Variants in KRT33B observed in about 807,000 individuals in gnomAD.
The protein encoded by KRT33B is keratin 33B, also known as keratin, type I cuticular Ha3-II.
Under a neutral mutation model 42.7 loss-of-function variants are expected in KRT33B, and 37 were observed. The ratio of observed to expected loss-of-function variants is 0.87; its 90% CI spans 0.67 to 1.14. KRT33B has a LOEUF of 1.14. Ranked by LOEUF, KRT33B falls within the 50% of genes most tolerant of loss-of-function variation. The pLI is 0.00. For synonymous variants in KRT33B, 237 were observed against 221.2 expected, an observed-to-expected ratio of 1.07 and a Z score of -0.63; for missense variants, 523 against 515.1, an observed-to-expected ratio of 1.02 and a Z score of -0.15.
chr17:41,368,078 C>G, intron 1 of KRT33B, 88 bp from the exon 2 acceptor site: 1 of 1,259,240 alleles, frequency 7.9e-7, no homozygotes, highest in Non-Finnish European at 1.2e-6. Flanking sequence ...AGCCACATTC[C>G]TCCCAAATAG....
intron 3 of KRT33B, 116 bp downstream of exon 3, chr17:41,366,354 G>T: frequency 8.1e-7 from 1 of 1,228,928 alleles, no homozygotes; most frequent in Non-Finnish European, 1.1e-6. Flanking sequence ...TATGTTTTGA[G>T]CAACCAGCAA....
rs2017704724 is a variant in KRT33B, at chr17:41,366,599, C to G, written c.459G>C (p.Gln153His). The G allele has an allele frequency of 2.5e-6, 4 of 1,611,904 alleles. No homozygotes were observed. Among genetic ancestry groups the G allele is most frequent in the Non-Finnish European group, 3.4e-6 (4 of 1,179,876 alleles). Residue 153 changes from glutamine to histidine, a missense_variant, in exon 3 of 7, where the codon CAG becomes CAC. Gln to His is a conservative substitution (Grantham distance 24, BLOSUM62 0). Coordinates refer to ENST00000251646, the MANE Select transcript of KRT33B (RefSeq NM_002279.5). ...GGCTGTTGATGTCGGACTCCACCAG[C>G]TGCCGCAGGGACTGCTCCGTCTGGT... ...TKYQTEQSLR[Q>H]LVESDINSLR...
In KRT33B at chr17:41,365,463, C is replaced by G. The variant is rs1597690218; in HGVS notation, c.679G>C (p.Glu227Gln). The G allele has an allele frequency of 1.2e-6, 2 of 1,613,044 alleles. No individual in the cohort carries two copies. Among genetic ancestry groups the G allele is most frequent in the Non-Finnish European group, 1.7e-6 (2 of 1,180,022 alleles). ...AGGGCCTCATACTGATTCCTGGTCT[C>G]GTTCAGGACCTGGTTCAGGTCCACA... ...PAVDLNQVLN[E>Q]TRNQYEALVE... Residue 227 changes from glutamate to glutamine, a missense_variant, in exon 4 of 7, where the codon GAG becomes CAG. Transcript: ENST00000251646.
chr17:41,368,822 A>G (rs1311928898), intron 1 of KRT33B, among the ~76,000 whole-genome samples: 1 of 151,146 alleles, frequency 6.6e-6, no homozygotes, highest in Non-Finnish European at 1.5e-5. Flanking sequence ...AACCTACACC[A>G]GGTATTCAGT....
Position 41,367,896 on chromosome 17 carries a change from G to C in KRT33B, c.431+12C>G. 6.2e-7 allele frequency: 1 copy of C among 1,611,740 alleles called. No individual in the cohort carries two copies. Among genetic ancestry groups the C allele is most frequent in the Non-Finnish European group, 8.5e-7 (1 of 1,179,296 alleles). Reference sequence around the variant, plus strand: ...CGTTACTAGACTGCTCTGATGGTTAGGAAAATCTTACTTGGTTCTGAAGTC... The same window carrying C: ...CGTTACTAGACTGCTCTGATGGTTACGAAAATCTTACTTGGTTCTGAAGTC... On this transcript the variant is annotated intron_variant, in intron 2 of 6. Coordinates refer to ENST00000251646, the MANE Select transcript of KRT33B (RefSeq NM_002279.5).
chr17:41,366,297 T>C (rs539898164), intron 3 of KRT33B, among the ~76,000 whole-genome samples, 173 bp downstream of exon 3: 1 of 151,444 alleles, frequency 6.6e-6, no homozygotes, highest in East Asian at 1.9e-4. Flanking sequence ...CACACTCCTT[T>C]ATGTAAAAAA....
chr17:41,365,053 C>T, intron 5 of KRT33B, 54 bp from the exon 6 acceptor site: 2 of 1,609,458 alleles, frequency 1.2e-6, no homozygotes, highest in Non-Finnish European at 1.7e-6. Context: ...AGGGTTCCTC[C>T]ATGGGGTTCG....
In KRT33B at chr17:41,369,660, G is replaced by A; in HGVS notation, c.91C>T (p.Leu31=). ...CVPPSCHGYT[L]PGACNIPANV... is the part of the protein sequence containing the mutation. ...GCAGGGATGTTGCAGGCCCCGGGCA[G>A]GGTGTAGCCGTGGCAGCTGGGGGGC... Residue 31 remains leucine (L), a synonymous_variant, in exon 1 of 7, where the codon CTG becomes TTG. Transcript: ENST00000251646. 2.5e-6 allele frequency: 4 copies of A among 1,613,936 alleles called. No homozygotes were observed. The highest frequency in any genetic ancestry group is 3.4e-6 in the Non-Finnish European group (4 of 1,180,000).
intron 5 of KRT33B, 43 bp downstream of exon 5, chr17:41,365,132 C>G: frequency 6.2e-7 from 1 of 1,609,922 alleles, no homozygotes; most frequent in Non-Finnish European, 8.5e-7. Flanking sequence ...GACTCTGCCT[C>G]CCAAGTTCCC....
chr17:41,364,269 AG>A (rs1377224611), intron 6 of KRT33B, among the ~76,000 whole-genome samples: 1 of 151,112 alleles, frequency 6.6e-6, no homozygotes, highest in Non-Finnish European at 1.5e-5. Context: ...AAATTCCACA[AG>A]ACTGTGTTCA....
At chr17:41,365,335 GCCTCCGGGGC>G in intron 4 of KRT33B, 35 bp from the exon 5 acceptor site, 1 of 1,610,726 alleles carries the variant, frequency 6.2e-7, no homozygotes, top group Non-Finnish European at 8.5e-7. Flanking sequence ...ATCAGACCCT[GCCTCCGGGGC>G]CCTGGGGGGC....
At chr17:41,365,587 AAAG>A (rs1299003407) in intron 3 of KRT33B, 34 bp from the exon 4 acceptor site, 3 of 1,599,206 alleles carry the variant, frequency 1.9e-6, no homozygotes, top group Non-Finnish European at 2.6e-6. Context: ...AAACCCACAG[AAAG>A]AAGTCTTTCA....
In KRT33B at chr17:41,369,429, T is replaced by C; in HGVS notation, c.322A>G (p.Lys108Glu). The C allele has an allele frequency of 6.2e-7, 1 of 1,613,344 alleles. No individual in the cohort carries two copies. The highest frequency in any genetic ancestry group is 1.3e-5 in the African/African-American group (1 of 74,200). ...LLCPSYQSYFKTIEELQQKIL... is the reference protein window; with the variant it reads ...LLCPSYQSYFETIEELQQKIL... The stretch of plus-strand genomic sequence containing the variant: ...TTCTGCTGGAGCTCCTCAATGGTCT[T>C]GAAGTAGGACTGGTAGCTGGGGCAC... The change falls in exon 1 of 7, where the codon AAG becomes GAG. Residue 108 changes from lysine to glutamate, a missense_variant. Physicochemically the swap from Lys to Glu is moderately conservative, Grantham distance 56. Transcript: ENST00000251646.
At chr17:41,366,341 A>G (rs910131710) in intron 3 of KRT33B, 129 bp downstream of exon 3, 5 of 1,078,896 alleles carry the variant, frequency 4.6e-6, no homozygotes, top group Admixed American at 5.4e-5. Flanking sequence ...ACAAGCCCCA[A>G]AGTATGTTTT....
chr17:41,366,470 C>A lies in KRT33B; in HGVS notation c.588G>T (p.Gln196His). The A allele has an allele frequency of 6.2e-7, 1 of 1,612,128 alleles. No homozygotes were observed. Among genetic ancestry groups the A allele is most frequent in the African/African-American group, 1.4e-5 (1 of 73,686 alleles). The change falls in exon 3 of 7, where the codon CAG becomes CAT. Residue 196 changes from glutamine (Q) to histidine (H), a missense_variant and splice_region_variant. By Grantham distance (24) the Gln-to-His change is conservative. Coordinates refer to ENST00000251646, the MANE Select transcript of KRT33B (RefSeq NM_002279.5). ...GGATATTGGGGGCTGGGACTCTTAC[C>A]TGCTCATGGTTCTGCTTGAGGGACA... Reference protein sequence around the residue: ...ELLSLKQNHEQEVNTLRCQLG... With the variant: ...ELLSLKQNHEHEVNTLRCQLG...
Position 41,367,988 on chromosome 17 carries a change from G to C in KRT33B, c.351C>G (p.Ile117Met). 1.2e-6 allele frequency: 2 copies of C among 1,612,902 alleles called. No homozygotes were observed. The highest frequency in any genetic ancestry group is 2.2e-5 in the East Asian group (1 of 44,888). ...TGGCATTCTCAGACTTGCTGCACAG[G>C]ATCTGGGGATAGGATTAATCATGAA... is the stretch of plus-strand genomic sequence containing the variant. Reference protein sequence around the residue: ...FKTIEELQQKILCSKSENARL... With the variant: ...FKTIEELQQKMLCSKSENARL... Residue 117 changes from isoleucine (I) to methionine (M), a missense_variant and splice_region_variant, in exon 2 of 7, where the codon ATC (isoleucine) becomes ATG (methionine). Transcript: ENST00000251646.
intron 1 of KRT33B, among the ~76,000 whole-genome samples, chr17:41,368,604 A>G (rs1290159322): frequency 6.6e-6 from 1 of 151,250 alleles, no homozygotes; most frequent in Non-Finnish European, 1.5e-5. Context: ...CCCCCACCCC[A>G]GCACTGTGCC....
intron 1 of KRT33B, among the ~76,000 whole-genome samples, chr17:41,368,253 T>C (rs1171413918): frequency 2.0e-5 from 3 of 151,336 alleles, no homozygotes; most frequent in Non-Finnish European, 4.4e-5. Context: ...AACCCTTCGG[T>C]TGGGTGACCA....
intron 3 of KRT33B, 79 bp downstream of exon 3, chr17:41,366,391 C>T: frequency 6.4e-7 from 1 of 1,550,572 alleles, no homozygotes; most frequent in Non-Finnish European, 8.7e-7. Flanking sequence ...GGGTGCTTAG[C>T]AAATCAAATC....
Sources: gnomAD v4.1 joint callset for allele counts (sites outside exome capture counted in the v4.1 genomes callset) on GRCh38, gnomAD v4.1.1 for gene constraint, MANE v1.5 for transcripts, NCBI Gene and HGNC (gene_info 2026-07-23, HGNC 2026-07-21) for gene names.